TRPC5: variants seen among roughly 807,000 people sequenced by gnomAD.
TRPC5 encodes the protein short transient receptor potential channel 5.
A neutral mutation model predicts 56.5 loss-of-function variants in TRPC5; 9 were observed. The ratio of observed to expected loss-of-function variants is 0.16; its 90% CI spans 0.10 to 0.28. The LOEUF (loss-of-function observed/expected upper bound fraction) is 0.28, where lower values mean the gene tolerates loss of function less well. TRPC5 is among the 10% of genes least tolerant of loss of function. TRPC5 has a pLI of 1.00. For missense variants in TRPC5, 469 were observed against 748.9 expected (o/e 0.63, Z 4.36); for synonymous variants, 282 against 278.5 (o/e 1.01, Z -0.13).
chrX:111,833,115 T>C (rs760712623), intron 7 of TRPC5, among the ~76,000 whole-genome samples: 1 of 111,414 alleles, frequency 9.0e-6, no homozygotes, highest in East Asian at 2.8e-4. Context: ...TGAACATAAA[T>C]CATTTTAGAG....
At chrX:111,977,131 GA>G (rs200098509) in intron 1 of TRPC5, among the ~76,000 whole-genome samples, 4 of 109,126 alleles carry the variant, frequency 3.7e-5, no homozygotes, top group Admixed American at 9.8e-5. Context: ...TTAAAAAATA[GA>G]AAAAAAAATC....
At chrX:111,920,683 G>A (rs1926104540) in intron 2 of TRPC5, among the ~76,000 whole-genome samples, 1 of 111,277 alleles carries the variant, frequency 9.0e-6, no homozygotes, top group South Asian at 3.8e-4. Context: ...ATTTTAACTG[G>A]TGGCACCTAG....
intron 7 of TRPC5, among the ~76,000 whole-genome samples, chrX:111,819,724 A>C: frequency 9.0e-6 from 1 of 111,650 alleles, no homozygotes; most frequent in Admixed American, 9.5e-5. Context: ...TACCTCACTT[A>C]TCAGGAACTA....
chrX:111,833,843 T>C (rs1922486432), intron 7 of TRPC5, among the ~76,000 whole-genome samples: 1 of 111,491 alleles, frequency 9.0e-6, no homozygotes, highest in Non-Finnish European at 1.9e-5. Flanking sequence ...AAATAACTCC[T>C]CAGTGGCAAA....
chrX:111,827,505 C>T (rs899335113), intron 7 of TRPC5, among the ~76,000 whole-genome samples: 1 of 111,279 alleles, frequency 9.0e-6, no homozygotes, highest in South Asian at 3.8e-4. Context: ...TCCTACTCTT[C>T]CCCATCTCAG....
intron 7 of TRPC5, among the ~76,000 whole-genome samples, chrX:111,804,031 G>A (rs1475752969): frequency 8.9e-6 from 1 of 112,018 alleles, no homozygotes; most frequent in African/African-American, 3.2e-5. Flanking sequence ...GTTTGTATAA[G>A]GTGTAAGTAA....
chrX:111,879,770 A>G (rs1924118333), intron 3 of TRPC5, among the ~76,000 whole-genome samples: 1 of 112,681 alleles, frequency 8.9e-6, no homozygotes. Flanking sequence ...TATGAGGCTC[A>G]TTCAGGTTAA....
rs3027721 is a variant in TRPC5 at position 111,847,376 on chromosome X, C to A, written c.1438G>T (p.Ala480Ser). The change falls in exon 6 of 11, where the codon GCA becomes TCA. Residue 480 changes from alanine to serine, a missense_variant. By Grantham distance (99) the Ala-to-Ser change is moderately conservative. This residue lies in a region of TRPC5 where 157 missense variants were observed against 360.0 expected (regional missense o/e 0.44). Transcript: ENST00000262839. ...EMWHPTLIAE[A>S]LFAISNILSS... The stretch of plus-strand genomic sequence containing the variant: ...AAAATGTTGGATATTGCGAAGAGTG[C>A]TTCCGCAATCAGAGTCGGGTGCCAC... 1.3e-5 allele frequency: 16 copies of A among 1,209,583 alleles called. No individual in the cohort carries two copies. The highest frequency in any genetic ancestry group is 1.8e-5 in the Non-Finnish European group (16 of 895,150).
chrX:111,816,496 C>G (rs896756501), intron 7 of TRPC5, among the ~76,000 whole-genome samples: 4 of 112,003 alleles, frequency 3.6e-5, no homozygotes, highest in South Asian at 7.5e-4. Flanking sequence ...AACCTCTGAC[C>G]CACTCTGTTG....
intron 7 of TRPC5, among the ~76,000 whole-genome samples, chrX:111,810,686 T>C (rs1415127904): frequency 2.7e-5 from 3 of 111,884 alleles, no homozygotes; most frequent in Non-Finnish European, 5.6e-5. Context: ...TGTTATTCAG[T>C]ATTCATCTGT....
intron 1 of TRPC5, among the ~76,000 whole-genome samples, chrX:111,967,958 C>T (rs1193734562): frequency 9.1e-6 from 1 of 110,255 alleles, no homozygotes; most frequent in Non-Finnish European, 1.9e-5. Context: ...GCAACCAAAG[C>T]CAAAATTGAC....
At chrX:111,784,355 G>T (rs1179955565) in intron 7 of TRPC5, among the ~76,000 whole-genome samples, 1 of 112,102 alleles carries the variant, frequency 8.9e-6, no homozygotes, top group Non-Finnish European at 1.9e-5. Context: ...AAAATGAAAA[G>T]ATAACTCATA....
chrX:111,794,138 A>G (rs1418663568), intron 7 of TRPC5, among the ~76,000 whole-genome samples: 1 of 112,120 alleles, frequency 8.9e-6, no homozygotes, highest in African/African-American at 3.2e-5. Context: ...CATATATTCA[A>G]ATATACTAAA....
At chrX:111,787,550 T>G (rs1264189804) in intron 7 of TRPC5, among the ~76,000 whole-genome samples, 1 of 94,269 alleles carries the variant, frequency 1.1e-5, no homozygotes, top group Non-Finnish European at 2.1e-5. Flanking sequence ...AAGAAATAAC[T>G]AAGATCAGAG....
At chrX:111,886,570 G>A (rs1924508153) in intron 3 of TRPC5, among the ~76,000 whole-genome samples, 1 of 111,719 alleles carries the variant, frequency 9.0e-6, no homozygotes, top group Admixed American at 9.5e-5. Flanking sequence ...TCAACCACTC[G>A]ATTTGGCGTG....
intron 1 of TRPC5, among the ~76,000 whole-genome samples, chrX:112,020,395 A>G (rs1329723189): frequency 8.9e-6 from 1 of 112,036 alleles, no homozygotes; most frequent in East Asian, 2.8e-4. Flanking sequence ...GAAGGCGAGT[A>G]ATCATAACAG....
chrX:112,004,817 G>C (rs1421729772), intron 1 of TRPC5, among the ~76,000 whole-genome samples: 1 of 111,456 alleles, frequency 9.0e-6, no homozygotes, highest in African/African-American at 3.3e-5. Context: ...CTGGAGGGTA[G>C]AGTGCATGGG....
chrX:111,936,333 TTC>T (rs1189075203), intron 2 of TRPC5, among the ~76,000 whole-genome samples: 1 of 111,047 alleles, frequency 9.0e-6, no homozygotes, highest in Non-Finnish European at 1.9e-5. Flanking sequence ...TGTTTATCAG[TTC>T]TTTTTTTTTT....
intron 3 of TRPC5, among the ~76,000 whole-genome samples, chrX:111,905,013 T>G (rs1925538567): frequency 9.2e-6 from 1 of 109,276 alleles, no homozygotes; most frequent in South Asian, 4.1e-4. Flanking sequence ...GGAGTCTACT[T>G]GAGTTCTAGT....
Sources: gnomAD v4.1 joint callset for allele counts (sites outside exome capture counted in the v4.1 genomes callset) on GRCh38, gnomAD v4.1.1 for gene constraint, gnomAD v4.1.1 regional missense constraint, MANE v1.5 for transcripts, NCBI Gene and HGNC (gene_info 2026-07-23, HGNC 2026-07-21) for gene names.